DCX: variants seen among roughly 807,000 people sequenced by gnomAD.
The protein encoded by DCX is doublecortin.
In DCX, 4 loss-of-function variants were observed where a neutral mutation model predicts 20.9. That is an observed-to-expected ratio of 0.19 (90% confidence interval 0.09 to 0.44). The LOEUF is 0.44. DCX is among the 20% of genes least tolerant of loss of function. The pLI is 0.99. For missense variants in DCX, 133 were observed against 296.9 expected (o/e 0.45, Z 4.06); for synonymous variants, 103 against 111.4 (o/e 0.92, Z 0.47).
intron 4 of DCX, among the ~76,000 whole-genome samples, chrX:111,332,723 A>G (rs1314341677): frequency 8.9e-6 from 1 of 112,241 alleles, no homozygotes; most frequent in East Asian, 2.8e-4. Context: ...TACAATATCC[A>G]AGTTCTGACT....
intron 3 of DCX, among the ~76,000 whole-genome samples, chrX:111,386,295 C>T (rs758869889): frequency 4.5e-5 from 5 of 111,247 alleles, no homozygotes; most frequent in African/African-American, 9.8e-5. Flanking sequence ...CCACAGCCAG[C>T]GCTGTTAAGC....
chrX:111,303,876 G>T (rs1405200198), intron 6 of DCX, among the ~76,000 whole-genome samples: 1 of 111,939 alleles, frequency 8.9e-6, no homozygotes, highest in Non-Finnish European at 1.9e-5. Context: ...AGTTTTCTTT[G>T]CTGGTCACAT....
intron 5 of DCX, among the ~76,000 whole-genome samples, chrX:111,314,151 G>T (rs1010403855): frequency 9.0e-6 from 1 of 111,513 alleles, no homozygotes; most frequent in Non-Finnish European, 1.9e-5. Flanking sequence ...TTATTTAAGC[G>T]CAAGTGAGCT....
intron 5 of DCX, 139 bp from the exon 6 acceptor site, chrX:111,312,875 G>A: frequency 3.4e-6 from 2 of 590,065 alleles, no homozygotes; most frequent in Non-Finnish European, 5.6e-6. Context: ...TAGAACAAAG[G>A]TGAAAAGAAA....
At chrX:111,398,136 A>T (rs1351761572) in intron 3 of DCX, among the ~76,000 whole-genome samples, 1 of 110,421 alleles carries the variant, frequency 9.1e-6, no homozygotes, top group African/African-American at 3.3e-5. Flanking sequence ...ACTTCCAAGT[A>T]AACCACCAGA....
chrX:111,305,741 T>C lies in DCX; in HGVS notation c.1045-3998A>G, dbSNP rs972053647. The stretch of plus-strand genomic sequence containing the variant: ...AGATGAACTAGTAATTATAAGAATG[T>C]GTTGATGGACTTACTATGTATAAAG... On this transcript the variant is annotated intron_variant, in intron 6 of 6. Coordinates refer to ENST00000636035, the MANE Select transcript of DCX (RefSeq NM_001195553.2). Among the ~76,000 whole-genome samples the C allele has an allele frequency of 4.5e-5, 5 of 110,337 alleles. No homozygotes were observed. In the Admixed American group the frequency reaches 4.9e-4, roughly 11 times the overall value.
At chrX:111,301,886 G>T in intron 6 of DCX, 143 bp from the exon 7 acceptor site, 1 of 574,012 alleles carries the variant, frequency 1.7e-6, no homozygotes, top group South Asian at 2.9e-5. Context: ...AAAATGTACA[G>T]GGAGGTACCC....
intron 2 of DCX, among the ~76,000 whole-genome samples, chrX:111,403,144 A>G (rs1413298617): frequency 2.7e-5 from 3 of 111,709 alleles, no homozygotes; most frequent in Non-Finnish European, 5.6e-5. Context: ...AATAACCCCC[A>G]TAACCCTAGA....
At chrX:111,316,079 T>TA (rs1430738484) in intron 5 of DCX, among the ~76,000 whole-genome samples, 9 of 23,987 alleles carry the variant, frequency 3.8e-4, no homozygotes, top group Non-Finnish European at 4.1e-4. Context: ...TAGAGTATAA[T>TA]AAAAAATAAA....
intron 3 of DCX, among the ~76,000 whole-genome samples, chrX:111,336,925 A>C (rs746765144): frequency 2.7e-5 from 3 of 110,997 alleles, no homozygotes; most frequent in Non-Finnish European, 3.8e-5. Context: ...GGACAAGGAG[A>C]GGGAGAAGGA....
rs985253045 is a variant in DCX, at chrX:111,335,583, G to A, written c.706-2430C>T. ...TAGGAACAAGAAAAGTAGAAATAAT[G>A]TGAATTCAGAAACTATTCTTCACGT... On this transcript the variant is annotated intron_variant, in intron 3 of 6. Coordinates refer to ENST00000636035, the MANE Select transcript of DCX (RefSeq NM_001195553.2). 7.9e-4 allele frequency among the ~76,000 whole-genome samples: 89 copies of A among 112,680 alleles called. 1 individual carries two copies. The highest frequency in any genetic ancestry group is 2.7e-3 in the African/African-American group (85 of 31,105).
chrX:111,309,736 A>T (rs1238915056), intron 6 of DCX, among the ~76,000 whole-genome samples: 1 of 111,698 alleles, frequency 9.0e-6, no homozygotes. Context: ...AATATACTGT[A>T]CTGAGAGATA....
rs1924154975 is a variant in DCX at position 111,360,904 on chromosome X, G to GTCC, written c.706-27752_706-27751insGGA. 5.4e-5 allele frequency among the ~76,000 whole-genome samples: 6 copies of GTCC among 112,122 alleles called. No homozygotes were observed. In the South Asian group the frequency reaches 2.2e-3, roughly 42 times the overall value. On this transcript the variant is annotated intron_variant, in intron 3 of 6. Transcript: ENST00000636035. ...TTTATACACCTCTCTGTCTGTATAT[G>GTCC]TAAATGAAGTTTTCTCAACCTCGGT... is the stretch of plus-strand genomic sequence containing the variant.
At chrX:111,368,880 T>C (rs1924838107) in intron 3 of DCX, among the ~76,000 whole-genome samples, 1 of 100,027 alleles carries the variant, frequency 1.0e-5, no homozygotes, top group Non-Finnish European at 1.9e-5. Context: ...ACAGAACTAA[T>C]ACGGGATATA....
intron 3 of DCX, among the ~76,000 whole-genome samples, chrX:111,389,205 T>C (rs910542137): frequency 1.8e-5 from 2 of 111,886 alleles, no homozygotes; most frequent in African/African-American, 6.5e-5. Flanking sequence ...TAAATCTTTA[T>C]CTGAAACAGA....
chrX:111,337,386 G>GA lies in DCX; in HGVS notation c.706-4234dup, dbSNP rs199522043. Among the ~76,000 whole-genome samples, 264 of 106,301 alleles carry GA rather than the reference G, an allele frequency of 2.5e-3. 1 individual carries two copies. Among genetic ancestry groups the GA allele is most frequent in the East Asian group, 0.011 (37 of 3,400 alleles). 92.3% of individuals were successfully genotyped at this position (106,301 alleles called of 115,157 possible). A position where few individuals can be genotyped will look rare whatever the true frequency, so the allele number is the denominator to read the frequency against. ...ACCATTAACTCAATGCTCTTCCTTT[G>GA]AAAAAAAAAACCAGCAGGTGTTGGG... On this transcript the variant is annotated intron_variant, in intron 3 of 6. Coordinates refer to ENST00000636035, the MANE Select transcript of DCX (RefSeq NM_001195553.2).
intron 3 of DCX, among the ~76,000 whole-genome samples, chrX:111,366,390 T>C (rs187853464): frequency 8.9e-5 from 10 of 112,077 alleles, no homozygotes; most frequent in African/African-American, 2.6e-4. Context: ...CGGTAAAAAG[T>C]AATCAGTCCA....
At chrX:111,395,929 A>G (rs1456750998) in intron 3 of DCX, among the ~76,000 whole-genome samples, 1 of 112,288 alleles carries the variant, frequency 8.9e-6, no homozygotes, top group African/African-American at 3.2e-5. Context: ...GAAAGCAGAG[A>G]TAACAGGGGA....
At chrX:111,364,932 A>G (rs955092694) in intron 3 of DCX, among the ~76,000 whole-genome samples, 24 of 108,885 alleles carry the variant, frequency 2.2e-4, no homozygotes, top group African/African-American at 7.7e-4. Context: ...TTGCCCAGGC[A>G]GGAGTGCCAT....
Sources: allele counts gnomAD v4.1 joint callset (sites outside exome capture counted in the v4.1 genomes callset), GRCh38; gene constraint gnomAD v4.1.1; transcripts MANE v1.5; gene names NCBI Gene and HGNC (gene_info 2026-07-23, HGNC 2026-07-21).